The following HDLBP variants were observed in gnomAD, a reference collection of about 807,000 sequenced individuals.
HDLBP encodes the protein vigilin.
Under a neutral mutation model 137.3 loss-of-function variants are expected in HDLBP, and 30 were observed. The observed-to-expected ratio is 0.22, with a 90% CI of 0.16 to 0.30. The LOEUF (loss-of-function observed/expected upper bound fraction) is 0.30, where lower values mean the gene tolerates loss of function less well. Among genes scored for constraint, HDLBP ranks in the 10% least tolerant of loss-of-function variants. The pLI, the probability that HDLBP is intolerant of heterozygous loss-of-function variation, is 1.00. For missense variants in HDLBP, 1,119 were observed against 1,667.3 expected (o/e 0.67, Z 5.73); for synonymous variants, 606 against 596.0 (o/e 1.02, Z -0.24).
intron 1 of HDLBP, among the ~76,000 whole-genome samples, chr2:241,296,806 T>C (rs909669283): frequency 1.3e-5 from 2 of 152,118 alleles, no homozygotes; most frequent in Non-Finnish European, 2.9e-5. Flanking sequence ...AAAATAGAAA[T>C]ATACAATCTA....
At chr2:241,249,644 A>C (rs940899756) in intron 12 of HDLBP, among the ~76,000 whole-genome samples, 197 bp downstream of exon 12, 1 of 152,248 alleles carries the variant, frequency 6.6e-6, no homozygotes, top group African/African-American at 2.4e-5. Flanking sequence ...GCACACAGCC[A>C]TGGAGAACAA....
intron 1 of HDLBP, among the ~76,000 whole-genome samples, chr2:241,286,068 T>C (rs931739020): frequency 2.6e-5 from 4 of 152,162 alleles, no homozygotes; most frequent in African/African-American, 4.8e-5. Flanking sequence ...TCTCAGAGAA[T>C]CTACACTGAT....
At chr2:241,305,127 CT>C (rs2075527815) in intron 1 of HDLBP, among the ~76,000 whole-genome samples, 1 of 152,216 alleles carries the variant, frequency 6.6e-6, no homozygotes, top group Non-Finnish European at 1.5e-5. Flanking sequence ...CCAGGCTCTA[CT>C]TTTTCATTTT....
intron 1 of HDLBP, among the ~76,000 whole-genome samples, chr2:241,285,707 C>T (rs2074781214): frequency 6.6e-6 from 1 of 152,116 alleles, no homozygotes; most frequent in African/African-American, 2.4e-5. Context: ...ATTTACCACA[C>T]TGAAATTTCA....
At chr2:241,295,653 C>A (rs2075150269) in intron 1 of HDLBP, among the ~76,000 whole-genome samples, 1 of 152,132 alleles carries the variant, frequency 6.6e-6, no homozygotes, top group African/African-American at 2.4e-5. Context: ...GAATCCCAAT[C>A]CCTGAAATTT....
intron 1 of HDLBP, chr2:241,271,877 AC>A (rs1212263557): frequency 6.6e-6 from 1 of 152,252 alleles, no homozygotes; most frequent in Non-Finnish European, 1.5e-5. Context: ...ACCACAGGCG[AC>A]TGGCGAGCAG....
chr2:241,243,884 G>C (rs182873251), intron 16 of HDLBP, among the ~76,000 whole-genome samples: 2 of 152,192 alleles, frequency 1.3e-5, no homozygotes, highest in Admixed American at 1.3e-4. Context: ...CACCAGAAAT[G>C]CAAAGAATAG....
intron 21 of HDLBP, chr2:241,236,320 C>G (rs1483543940): frequency 7.2e-6 from 3 of 417,694 alleles, no homozygotes; most frequent in African/African-American, 6.0e-5. Context: ...CATCCCCCTG[C>G]AGCTGAGACC....
chr2:241,258,923 C>T (rs961886646), intron 5 of HDLBP, among the ~76,000 whole-genome samples: 2 of 152,130 alleles, frequency 1.3e-5, no homozygotes, highest in East Asian at 3.8e-4. Context: ...TCCGATGGCC[C>T]GATTCCACAT....
At chr2:241,313,605 G>T (rs1559564439) in intron 1 of HDLBP, among the ~76,000 whole-genome samples, 1 of 152,106 alleles carries the variant, frequency 6.6e-6, no homozygotes, top group South Asian at 2.1e-4. Context: ...CTCAACCTTT[G>T]TATCTGCAGA....
At chr2:241,235,404 A>T in intron 22 of HDLBP, 86 bp downstream of exon 22, 2 of 1,468,562 alleles carry the variant, frequency 1.4e-6, no homozygotes, top group East Asian at 4.5e-5. Context: ...GGCAGAGTCA[A>T]CAGGAAGTTG....
At chr2:241,280,942 CTACAT>C (rs2074573705) in intron 1 of HDLBP, among the ~76,000 whole-genome samples, 1 of 152,164 alleles carries the variant, frequency 6.6e-6, no homozygotes, top group African/African-American at 2.4e-5. Context: ...GAGTATGCCA[CTACAT>C]TAATTTTACA....
chr2:241,269,722 T>C (rs982845909), intron 1 of HDLBP, among the ~76,000 whole-genome samples: 57 of 152,078 alleles, frequency 3.7e-4, no homozygotes, highest in Admixed American at 3.1e-3. Flanking sequence ...AGTAAGAAAA[T>C]TTCTCCAAAG....
Position 241,230,747 on chromosome 2 carries a change from C to T in HDLBP, c.3474+12G>A, listed in dbSNP as rs1349923325. 5.0e-6 allele frequency: 8 copies of T among 1,612,736 alleles called. No individual in the cohort carries two copies. The highest frequency in any genetic ancestry group is 6.8e-6 in the Non-Finnish European group (8 of 1,178,786). On this transcript the variant is annotated intron_variant, in intron 25 of 27. Coordinates refer to ENST00000310931, the MANE Select transcript of HDLBP (RefSeq NM_005336.6). The surrounding 1 kb of genome is among the most constrained non-coding windows in gnomAD (Gnocchi z 5.0). ...AGAGGATTCTCACCCACTGTGCTTC[C>T]AGCCGGCTCACCTTGAATTCGTCCA...
At chr2:241,263,637 G>C (rs778753795) in intron 4 of HDLBP, among the ~76,000 whole-genome samples, 27 of 152,130 alleles carry the variant, frequency 1.8e-4, no homozygotes, top group Non-Finnish European at 8.8e-5. Flanking sequence ...ATTCAGGGAA[G>C]ACACTGGCAG....
At chr2:241,287,821 G>A (rs2074877139) in intron 1 of HDLBP, among the ~76,000 whole-genome samples, 1 of 152,200 alleles carries the variant, frequency 6.6e-6, no homozygotes, top group Non-Finnish European at 1.5e-5. Context: ...AAGTCATTGA[G>A]AATAGCAAAA....
intron 1 of HDLBP, among the ~76,000 whole-genome samples, chr2:241,283,506 G>A (rs905109645): frequency 4.0e-5 from 6 of 148,410 alleles, no homozygotes; most frequent in Non-Finnish European, 7.4e-5. Flanking sequence ...ACAGAGTCTC[G>A]CTCTATGGCC....
In HDLBP at chr2:241,247,140, C is replaced by T. The variant is rs2071744450; in HGVS notation, c.1734G>A (p.Val578=). ...KYMQKMVADL[V]ENSYSISVPI... ...GAACAGAAATTGAATAGCTATTTTCCACCTTAAAGACAAAAAACACAGCCC... is the reference window on the plus strand; with the variant it reads ...GAACAGAAATTGAATAGCTATTTTCTACCTTAAAGACAAAAAACACAGCCC... The change falls in exon 15 of 28, where the codon GTG becomes GTA. Residue 578 remains valine, a splice_region_variant and synonymous_variant. Transcript: ENST00000310931. 6.2e-7 allele frequency: 1 copy of T among 1,604,252 alleles called. No individual in the cohort carries two copies. Among genetic ancestry groups the T allele is most frequent in the Non-Finnish European group, 8.5e-7 (1 of 1,171,140 alleles).
Position 241,230,360 on chromosome 2 carries a change from G to T in HDLBP, c.3475-91C>A. The stretch of plus-strand genomic sequence containing the variant: ...CAATTTCTAGTGAAGCATTTTCTGA[G>T]TTAGCAAACGTTTTAAAATCTGGTT... On this transcript the variant is annotated intron_variant, in intron 25 of 27. Coordinates refer to ENST00000310931, the MANE Select transcript of HDLBP (RefSeq NM_005336.6). The surrounding 1 kb of genome is among the most constrained non-coding windows in gnomAD (Gnocchi z 5.0). 1 of 825,034 alleles carries T rather than the reference G, an allele frequency of 1.2e-6. No homozygotes were observed. The highest frequency in any genetic ancestry group is 1.7e-5 in the African/African-American group (1 of 58,786). 51.1% of individuals were successfully genotyped at this position (825,034 alleles called of 1,614,324 possible).
Sources: gnomAD v4.1 joint callset for allele counts (sites outside exome capture counted in the v4.1 genomes callset) on GRCh38, gnomAD v4.1.1 for gene constraint, Gnocchi (gnomAD v3.1) non-coding constraint, MANE v1.5 for transcripts, NCBI Gene and HGNC (gene_info 2026-07-23, HGNC 2026-07-21) for gene names.